Variants in DNAH11 observed in about 807,000 individuals in gnomAD.
The protein encoded by DNAH11 is axonemal beta dynein heavy chain 11.
In DNAH11, 442 loss-of-function variants were observed where a neutral mutation model predicts 526.0. The ratio of observed to expected loss-of-function variants is 0.84; its 90% CI spans 0.78 to 0.91. DNAH11 has a LOEUF of 0.91. DNAH11 is among the 40% of genes least tolerant of loss of function. The probability of loss-of-function intolerance (pLI) is 0.00; values close to 1 mark genes in which losing one functional copy is unlikely to be tolerated. For synonymous variants in DNAH11, 2,461 were observed against 1,935.9 expected (o/e 1.27, Z -7.12); for missense variants, 6,989 against 5,448.7 (o/e 1.28, Z -8.90).
At chr7:21,895,931 G>A (rs1003362077) in intron 79 of DNAH11, among the ~76,000 whole-genome samples, 1 of 151,964 alleles carries the variant, frequency 6.6e-6, no homozygotes, top group African/African-American at 2.4e-5. Flanking sequence ...GGGTTTCACC[G>A]TGTTAGCCAG....
rs770195775 is a variant in DNAH11 at position 21,558,977 on chromosome 7, A to G, written c.671A>G (p.Asp224Gly). ...ACTGTTGCAGGAAAGATGGATCTGG[A>G]TCAGAATTGTTCAGAGAACAAGTAC... ...IPTVAGKMDLDQNCSENKPPS... is the reference protein window; with the variant it reads ...IPTVAGKMDLGQNCSENKPPS... The change falls in exon 3 of 82, where the codon GAT becomes GGT. Residue 224 changes from aspartate (D) to glycine (G), a missense_variant. Transcript: ENST00000409508. 1.6e-5 allele frequency: 26 copies of G among 1,583,418 alleles called. No individual in the cohort carries two copies. The highest frequency in any genetic ancestry group is 2.2e-5 in the Non-Finnish European group (26 of 1,163,500).
At chr7:21,745,511 G>A (rs796645301) in intron 51 of DNAH11, among the ~76,000 whole-genome samples, 1 of 152,186 alleles carries the variant, frequency 6.6e-6, no homozygotes, top group African/African-American at 2.4e-5. Flanking sequence ...ATAGAGCATG[G>A]CTGACAAGGT....
At chr7:21,709,028 A>G (rs1369271995) in intron 40 of DNAH11, among the ~76,000 whole-genome samples, 1 of 152,226 alleles carries the variant, frequency 6.6e-6, no homozygotes, top group Non-Finnish European at 1.5e-5. Context: ...AGATTTCTCA[A>G]AAAATTTAAA....
intron 31 of DNAH11, 30 bp from the exon 32 acceptor site, chr7:21,683,754 C>T (rs748449991): frequency 2.0e-6 from 3 of 1,533,736 alleles, no homozygotes; most frequent in Non-Finnish European, 2.6e-6. Context: ...TACCAGTGTC[C>T]TGCGTATGAT....
intron 39 of DNAH11, among the ~76,000 whole-genome samples, chr7:21,706,974 A>G (rs747729097): frequency 4.6e-5 from 7 of 152,216 alleles, no homozygotes; most frequent in Non-Finnish European, 7.3e-5. Context: ...CTCAATTACC[A>G]GGATCAGGGT....
chr7:21,871,153 C>G (rs367604554), intron 73 of DNAH11, among the ~76,000 whole-genome samples: 1 of 152,130 alleles, frequency 6.6e-6, no homozygotes, highest in Non-Finnish European at 1.5e-5. Context: ...AGTAGTTAAT[C>G]GAAAGCCCAA....
chr7:21,768,484 G>A (rs1787281094), intron 55 of DNAH11, among the ~76,000 whole-genome samples: 1 of 152,234 alleles, frequency 6.6e-6, no homozygotes, highest in Non-Finnish European at 1.5e-5. Flanking sequence ...GGAGTGAGAT[G>A]TTTGTTGGAT....
intron 56 of DNAH11, among the ~76,000 whole-genome samples, chr7:21,776,170 G>A (rs1436089350): frequency 6.6e-6 from 1 of 152,074 alleles, no homozygotes; most frequent in Admixed American, 6.6e-5. Flanking sequence ...GGGCTGCTTG[G>A]GTCTCTTTAC....
chr7:21,601,557 C>T lies in DNAH11; in HGVS notation c.3587C>T (p.Thr1196Met), dbSNP rs779537030. Residue 1196 changes from threonine (T) to methionine (M), a missense_variant, in exon 18 of 82, where the codon ACG becomes ATG. Coordinates refer to ENST00000409508, the MANE Select transcript of DNAH11 (RefSeq NM_001277115.2). ...GAACTCTTTGAACCTCTAAAAGAAA[C>T]GATCACCCTCTTGGAAAGCTATGGC... The part of the protein sequence containing the change: ...TDELFEPLKE[T>M]ITLLESYGQK... 2.9e-5 allele frequency: 47 copies of T among 1,610,644 alleles called. No individual in the cohort carries two copies. Among genetic ancestry groups the T allele is most frequent in the Non-Finnish European group, 3.9e-5 (46 of 1,177,596 alleles).
At position 21,720,714 on chromosome 7, in the gene DNAH11, T is replaced by C. The variant is rs767412260; in HGVS notation, c.7135-11T>C. Reference sequence around the variant, plus strand: ...AAATGTTGCCTTATTTGACTATTTCTTTTTCTTTAGACTCTATGTGTTCTT... The same window carrying C: ...AAATGTTGCCTTATTTGACTATTTCCTTTTCTTTAGACTCTATGTGTTCTT... On this transcript the variant is annotated splice_polypyrimidine_tract_variant and intron_variant, in intron 43 of 81. Coordinates refer to ENST00000409508, the MANE Select transcript of DNAH11 (RefSeq NM_001277115.2). 5.8e-6 allele frequency: 9 copies of C among 1,542,154 alleles called. No individual in the cohort carries two copies. Among genetic ancestry groups the C allele is most frequent in the Non-Finnish European group, 7.9e-6 (9 of 1,145,428 alleles).
At chr7:21,720,634 T>C (rs924299441) in intron 43 of DNAH11, 91 bp from the exon 44 acceptor site, 6 of 1,374,206 alleles carry the variant, frequency 4.4e-6, no homozygotes, top group African/African-American at 3.0e-5. Context: ...CTATGTACTC[T>C]CTTAAGGATA....
intron 43 of DNAH11, 42 bp downstream of exon 43, chr7:21,717,967 C>G (rs765565297): frequency 1.3e-6 from 2 of 1,565,118 alleles, no homozygotes; most frequent in Non-Finnish European, 8.7e-7. Flanking sequence ...AGTTCTGATG[C>G]GGTAGTGTTT....
chr7:21,881,663 GC>G (rs1783929441), intron 75 of DNAH11, among the ~76,000 whole-genome samples: 2 of 152,148 alleles, frequency 1.3e-5, no homozygotes, highest in Non-Finnish European at 2.9e-5. Flanking sequence ...TGTACTCTAG[GC>G]CACATTTTCT....
chr7:21,800,153 T>C (rs1243173264), intron 61 of DNAH11, among the ~76,000 whole-genome samples: 2 of 152,234 alleles, frequency 1.3e-5, no homozygotes, highest in Non-Finnish European at 2.9e-5. Flanking sequence ...ACTTCTCATC[T>C]TGCTTCTCTT....
chr7:21,898,111 TTTA>T (rs1296610354), intron 79 of DNAH11, among the ~76,000 whole-genome samples: 3 of 152,236 alleles, frequency 2.0e-5, no homozygotes, highest in Admixed American at 6.5e-5. Context: ...CATGATCTTG[TTTA>T]TATCAACAAT....
intron 18 of DNAH11, among the ~76,000 whole-genome samples, chr7:21,604,480 G>T (rs1370931499): frequency 6.6e-6 from 1 of 152,060 alleles, no homozygotes; most frequent in African/African-American, 2.4e-5. Flanking sequence ...CTTCCCGAAT[G>T]CTGTCCAGTT....
At chr7:21,855,138 T>G (rs1445270288) in intron 68 of DNAH11, among the ~76,000 whole-genome samples, 1 of 151,030 alleles carries the variant, frequency 6.6e-6, no homozygotes, top group Non-Finnish European at 1.5e-5. Flanking sequence ...TTCACTCCAT[T>G]CTCCTGCCTC....
intron 30 of DNAH11, among the ~76,000 whole-genome samples, chr7:21,675,009 A>G (rs965499087): frequency 1.2e-4 from 18 of 152,196 alleles, no homozygotes; most frequent in Admixed American, 3.3e-4. Flanking sequence ...CTGCTTTGAT[A>G]ATGTCCTAGA....
rs114086500 is a variant in DNAH11, at chr7:21,563,098, G to A, written c.983-1088G>A. 3.4e-3 allele frequency among the ~76,000 whole-genome samples: 524 copies of A among 152,262 alleles called. 5 individuals carry two copies. The highest frequency in any genetic ancestry group is 0.012 in the African/African-American group (501 of 41,546). On this transcript the variant is annotated intron_variant, in intron 5 of 81. Coordinates refer to ENST00000409508, the MANE Select transcript of DNAH11 (RefSeq NM_001277115.2). The stretch of plus-strand genomic sequence containing the variant: ...GAGATCCATTTAGGGTATATTAAAA[G>A]GATCAGTGCTAAGCAAGAGAAAACT...
Sources: gnomAD v4.1 joint callset for allele counts (sites outside exome capture counted in the v4.1 genomes callset) on GRCh38, gnomAD v4.1.1 for gene constraint, MANE v1.5 for transcripts, NCBI Gene and HGNC (gene_info 2026-07-23, HGNC 2026-07-21) for gene names.